The following PREX2 variants were observed in gnomAD, a reference collection of about 807,000 sequenced individuals.
PREX2 encodes the protein phosphatidylinositol 3,4,5-trisphosphate-dependent Rac exchanger 2 protein.
In PREX2, 107 loss-of-function variants were observed where a neutral mutation model predicts 203.2. That is an observed-to-expected ratio of 0.53 (90% confidence interval 0.45 to 0.62). The LOEUF (loss-of-function observed/expected upper bound fraction) is 0.62, where lower values mean the gene tolerates loss of function less well. Among genes scored for constraint, PREX2 ranks in the 20% least tolerant of loss-of-function variants. The pLI is 0.00. For missense variants in PREX2, 1,777 were observed against 1,955.9 expected (o/e 0.91, Z 1.72); for synonymous variants, 672 against 663.6 (o/e 1.01, Z -0.19).
In PREX2 at chr8:68,072,540, C is replaced by A; in HGVS notation, c.1539C>A (p.Ala513=). ...HLRTYKSVVM[A]NKLIDWLIAQ... is the part of the protein sequence containing the mutation. ...GGACCTACAAATCTGTGGTCATGGC[C>A]AACAAACTGATAGACTGGTTAATTG... The change falls in exon 14 of 40, where the codon GCC becomes GCA. Residue 513 remains alanine (A), a synonymous_variant. Transcript: ENST00000288368. 1 of 1,593,914 alleles carries A rather than the reference C, an allele frequency of 6.3e-7. No individual in the cohort carries two copies. The highest frequency in any genetic ancestry group is 1.1e-5 in the South Asian group (1 of 90,384).
chr8:67,976,503 GAGGGACAGAC>G (rs1806095006), intron 1 of PREX2, among the ~76,000 whole-genome samples: 1 of 126,568 alleles, frequency 7.9e-6, no homozygotes. Context: ...GAGACAGAGA[GAGGGACAGAC>G]AGAGACAGAG....
chr8:68,231,222 AT>A (rs1236649197), intron 39 of PREX2, 110 bp from the exon 40 acceptor site: 1 of 715,156 alleles, frequency 1.4e-6, no homozygotes, highest in African/African-American at 1.8e-5. Context: ...CAATCCGATC[AT>A]GACTCACGAA....
intron 21 of PREX2, among the ~76,000 whole-genome samples, chr8:68,095,876 T>G (rs1810054737): frequency 6.6e-6 from 1 of 152,022 alleles, no homozygotes. Flanking sequence ...CTCTTGAGCT[T>G]AAGTGATCCT....
At chr8:68,221,230 T>C (rs1812948278) in intron 38 of PREX2, among the ~76,000 whole-genome samples, 1 of 152,228 alleles carries the variant, frequency 6.6e-6, no homozygotes. Flanking sequence ...TTCCATGGTG[T>C]ATATGTACCA....
intron 37 of PREX2, among the ~76,000 whole-genome samples, chr8:68,211,647 C>T (rs951815722): frequency 4.6e-5 from 7 of 152,180 alleles, no homozygotes; most frequent in African/African-American, 1.7e-4. Flanking sequence ...AGATTGTCTT[C>T]AAACCCTTCT....
At chr8:68,112,946 G>GTCAT (rs1193765120) in intron 25 of PREX2, among the ~76,000 whole-genome samples, 1 of 152,126 alleles carries the variant, frequency 6.6e-6, no homozygotes, top group Non-Finnish European at 1.5e-5. Context: ...AAACACACAG[G>GTCAT]TCATTGCAAC....
intron 37 of PREX2, among the ~76,000 whole-genome samples, chr8:68,201,470 G>T (rs151226439): frequency 0.028 from 4,274 of 152,262 alleles, 212 homozygotes; most frequent in African/African-American, 0.098. Context: ...AAGTCCCAAA[G>T]CTGAAGAACT....
rs189335361 is a variant in PREX2, at chr8:68,190,728, G to A, written c.4347-994G>A. Reference sequence around the variant, plus strand: ...ATATATCCATGTAAAAAACATGTATGTATACCCTCTGAATCTAAAATAAAT... The same window carrying A: ...ATATATCCATGTAAAAAACATGTATATATACCCTCTGAATCTAAAATAAAT... On this transcript the variant is annotated intron_variant, in intron 35 of 39. Coordinates refer to ENST00000288368, the MANE Select transcript of PREX2 (RefSeq NM_024870.4). 6.6e-5 allele frequency among the ~76,000 whole-genome samples: 10 copies of A among 151,940 alleles called. No individual in the cohort carries two copies. The East Asian group carries it at 1.7e-3, about 26-fold the overall frequency.
chr8:68,008,501 GT>G (rs1434888269), intron 1 of PREX2, among the ~76,000 whole-genome samples: 1 of 152,176 alleles, frequency 6.6e-6, no homozygotes, highest in East Asian at 1.9e-4. Context: ...TTTAAGTCAT[GT>G]GTGTTTTAAG....
At chr8:68,072,339 C>A (rs903528320) in intron 13 of PREX2, among the ~76,000 whole-genome samples, 156 bp from the exon 14 acceptor site, 1 of 152,136 alleles carries the variant, frequency 6.6e-6, no homozygotes, top group Non-Finnish European at 1.5e-5. Context: ...TAATAAACTT[C>A]TCTTATTTGC....
chr8:68,195,139 G>A (rs1563582531), intron 37 of PREX2, among the ~76,000 whole-genome samples: 1 of 152,152 alleles, frequency 6.6e-6, no homozygotes, highest in African/African-American at 2.4e-5. Context: ...TAGAGACCAT[G>A]ACTAAGTTGT....
Position 68,157,331 on chromosome 8 carries a change from G to A in PREX2, c.4241G>A (p.Ser1414Asn), listed in dbSNP as rs775584198. The change falls in exon 35 of 40, where the codon AGC (serine) becomes AAC (asparagine). Residue 1414 changes from serine to asparagine, a missense_variant. Ser to Asn is a conservative substitution (Grantham distance 46). Coordinates refer to ENST00000288368, the MANE Select transcript of PREX2 (RefSeq NM_024870.4). The stretch of plus-strand genomic sequence containing the variant: ...TTACTTGTTTACACAGCACTAGAGA[G>A]CATGGAAGGATATTATTACAGAGAC... ...HPVLFAQALE[S>N]MEGYYYRDNV... 2.5e-6 allele frequency: 4 copies of A among 1,590,842 alleles called. No homozygotes were observed. Among genetic ancestry groups the A allele is most frequent in the Middle Eastern group, 1.7e-4 (1 of 6,042 alleles).
intron 13 of PREX2, among the ~76,000 whole-genome samples, chr8:68,071,734 G>A (rs1217846268): frequency 6.6e-6 from 1 of 152,072 alleles, no homozygotes; most frequent in Non-Finnish European, 1.5e-5. Context: ...CTCTGGGGAT[G>A]TAGTATCACT....
At chr8:68,124,095 C>T (rs757258435) in intron 30 of PREX2, among the ~76,000 whole-genome samples, 7 of 152,006 alleles carry the variant, frequency 4.6e-5, no homozygotes, top group South Asian at 2.1e-4. Flanking sequence ...ATCCTTGGGA[C>T]GCAAAGTTGG....
intron 1 of PREX2, among the ~76,000 whole-genome samples, chr8:67,996,577 C>T (rs4573253): frequency 0.12 from 17,901 of 152,148 alleles, 1,330 homozygotes; most frequent in Middle Eastern, 0.17. Flanking sequence ...TATTGCTTCC[C>T]TGTCTTTGGC....
intron 37 of PREX2, 180 bp downstream of exon 37, chr8:68,192,705 C>T (rs1421430754): frequency 2.1e-6 from 1 of 477,864 alleles, no homozygotes; most frequent in African/African-American, 2.4e-5. Flanking sequence ...ACTATTTAGT[C>T]ATACACATGA....
At chr8:68,190,975 A>G (rs926907184) in intron 35 of PREX2, among the ~76,000 whole-genome samples, 3 of 152,104 alleles carry the variant, frequency 2.0e-5, no homozygotes, top group African/African-American at 2.4e-5. Context: ...CACTTTGCAT[A>G]TTAAAATGGC....
chr8:68,041,122 A>G (rs1192229642), intron 7 of PREX2, among the ~76,000 whole-genome samples: 3 of 152,114 alleles, frequency 2.0e-5, no homozygotes, highest in African/African-American at 7.2e-5. Flanking sequence ...TTTTAGTGAA[A>G]TGGTACCAAT....
intron 6 of PREX2, among the ~76,000 whole-genome samples, chr8:68,036,858 G>A (rs1007774550): frequency 7.2e-5 from 11 of 152,066 alleles, no homozygotes; most frequent in Admixed American, 1.3e-4. Context: ...CAGGAGAATC[G>A]CTTTCCAGGA....
Sources: allele counts gnomAD v4.1 joint callset (sites outside exome capture counted in the v4.1 genomes callset), GRCh38; gene constraint gnomAD v4.1.1; transcripts MANE v1.5; gene names NCBI Gene and HGNC (gene_info 2026-07-23, HGNC 2026-07-21).